TMEM178B: variants seen among roughly 807,000 people sequenced by gnomAD.
The protein encoded by TMEM178B is transmembrane protein 178B.
TMEM178B carries 5 observed loss-of-function variants against 31.0 expected under a neutral mutation model. The observed-to-expected ratio is 0.16, with a 90% CI of 0.08 to 0.34. The LOEUF is 0.34. TMEM178B is among the 10% of genes least tolerant of loss of function. The pLI, the probability that TMEM178B is intolerant of heterozygous loss-of-function variation, is 1.00. For synonymous variants in TMEM178B, 164 were observed against 164.0 expected (o/e 1.00, Z 0.00); for missense variants, 275 against 400.3 (o/e 0.69, Z 2.67).
intron 1 of TMEM178B, among the ~76,000 whole-genome samples, chr7:141,124,864 A>C (rs1015793799): frequency 6.6e-6 from 1 of 152,186 alleles, no homozygotes; most frequent in Admixed American, 6.5e-5. Flanking sequence ...CTTTCTCATT[A>C]CCCATCACTT....
At chr7:141,397,559 G>T (rs1305151913) in intron 2 of TMEM178B, among the ~76,000 whole-genome samples, 1 of 152,128 alleles carries the variant, frequency 6.6e-6, no homozygotes, top group Non-Finnish European at 1.5e-5. Context: ...TGGCAGACAG[G>T]TTCTCCAGCC....
At chr7:141,156,344 A>G (rs558992985) in intron 1 of TMEM178B, among the ~76,000 whole-genome samples, 1 of 152,296 alleles carries the variant, frequency 6.6e-6, no homozygotes, top group African/African-American at 2.4e-5. Context: ...TGACAGCAGT[A>G]TTTATAGGCA....
chr7:141,186,433 G>T (rs1251774411), intron 1 of TMEM178B, among the ~76,000 whole-genome samples: 3 of 152,140 alleles, frequency 2.0e-5, no homozygotes, highest in Non-Finnish European at 4.4e-5. Flanking sequence ...TCCTCTCGGG[G>T]CCTCTGCTCC....
intron 1 of TMEM178B, among the ~76,000 whole-genome samples, chr7:141,092,321 G>A (rs1050158976): frequency 3.3e-5 from 5 of 152,144 alleles, no homozygotes; most frequent in African/African-American, 4.8e-5. Context: ...TGATATAGAT[G>A]GAAGTGGAGG....
intron 3 of TMEM178B, among the ~76,000 whole-genome samples, chr7:141,459,073 AGGCTCGTGTGCAATGGC>A (rs1802015677): frequency 6.6e-6 from 1 of 152,212 alleles, no homozygotes. Context: ...CTTATTGCCC[AGGCTCGTGTGCAATGGC>A]GTGATCTCGG....
rs182644256 is a variant in TMEM178B at position 141,260,432 on chromosome 7, C to A, written c.496+47728C>A. 3.3e-5 allele frequency among the ~76,000 whole-genome samples: 5 copies of A among 152,044 alleles called. No homozygotes were observed. The East Asian group carries it at 9.6e-4, about 29-fold the overall frequency. ...TTATATTTTTTTTTGACCATTTTTT[C>A]CCCCAGTTCTATCACCGTTTGTTGG... On this transcript the variant is annotated intron_variant, in intron 2 of 3. Transcript: ENST00000565468.
intron 1 of TMEM178B, among the ~76,000 whole-genome samples, chr7:141,134,578 C>T (rs1795644858): frequency 6.6e-6 from 1 of 152,058 alleles, no homozygotes; most frequent in African/African-American, 2.4e-5. Flanking sequence ...TACAAAAAAC[C>T]ACCAAACTGC....
the TMEM178B span, among the ~76,000 whole-genome samples, chr7:141,507,207 C>T: frequency 6.6e-6 from 1 of 152,166 alleles, no homozygotes; most frequent in Non-Finnish European, 1.5e-5. Flanking sequence ...CTTACAGCTC[C>T]ACTAGGTGGT....
At chr7:141,222,477 C>T (rs536844676) in intron 2 of TMEM178B, among the ~76,000 whole-genome samples, 3 of 152,268 alleles carry the variant, frequency 2.0e-5, no homozygotes, top group African/African-American at 7.2e-5. Context: ...TAATACCTGC[C>T]TTGAGGATTA....
chr7:141,251,386 C>CAGGTACA (rs1797831078), intron 2 of TMEM178B, among the ~76,000 whole-genome samples: 1 of 151,650 alleles, frequency 6.6e-6, no homozygotes, highest in Non-Finnish European at 1.5e-5. Context: ...TGGGAATGGG[C>CAGGTACA]CAGAAAGGGG....
chr7:141,329,576 G>T, intron 2 of TMEM178B, among the ~76,000 whole-genome samples: 1 of 152,070 alleles, frequency 6.6e-6, no homozygotes, highest in East Asian at 1.9e-4. Context: ...ATTTGTTCTT[G>T]GTGTTTTTGT....
intron 1 of TMEM178B, among the ~76,000 whole-genome samples, chr7:141,157,913 G>A (rs1465550793): frequency 6.6e-6 from 1 of 151,858 alleles, no homozygotes; most frequent in Non-Finnish European, 1.5e-5. Context: ...ACTGTTCCCC[G>A]CCTCTGTGCC....
intron 2 of TMEM178B, among the ~76,000 whole-genome samples, chr7:141,341,076 C>T (rs1290976974): frequency 6.6e-6 from 1 of 152,176 alleles, no homozygotes; most frequent in Non-Finnish European, 1.5e-5. Flanking sequence ...AATCCACACA[C>T]AAATATAGAT....
intron 1 of TMEM178B, among the ~76,000 whole-genome samples, chr7:141,116,735 C>A (rs895309353): frequency 2.0e-5 from 3 of 152,030 alleles, no homozygotes; most frequent in African/African-American, 7.3e-5. Flanking sequence ...TCTCATTGTT[C>A]AACTCCTACT....
intron 1 of TMEM178B, among the ~76,000 whole-genome samples, chr7:141,109,084 C>A (rs2129174825): frequency 6.6e-6 from 1 of 152,232 alleles, no homozygotes; most frequent in East Asian, 1.9e-4. Context: ...CCCCATGATT[C>A]AATTATCTCC....
intron 1 of TMEM178B, among the ~76,000 whole-genome samples, chr7:141,195,507 G>T (rs1796767475): frequency 6.6e-6 from 1 of 152,146 alleles, no homozygotes; most frequent in Non-Finnish European, 1.5e-5. Flanking sequence ...CCTCAGCGTG[G>T]ACCTTATTGT....
intron 1 of TMEM178B, among the ~76,000 whole-genome samples, chr7:141,130,462 A>G (rs1167496850): frequency 3.9e-5 from 6 of 152,164 alleles, no homozygotes; most frequent in Non-Finnish European, 8.8e-5. Context: ...CTTTCACTCA[A>G]TATTATATCA....
chr7:141,215,784 T>A (rs552359091), intron 2 of TMEM178B, among the ~76,000 whole-genome samples: 1 of 53,276 alleles, frequency 1.9e-5, no homozygotes, highest in African/African-American at 8.5e-5. Flanking sequence ...TTTCCTTTCT[T>A]TCTTTCTTTC....
At chr7:141,338,051 A>G (rs931628988) in intron 2 of TMEM178B, among the ~76,000 whole-genome samples, 4 of 151,974 alleles carry the variant, frequency 2.6e-5, no homozygotes, top group African/African-American at 9.7e-5. Context: ...GTTAGCCAGG[A>G]TGGTCTCGAT....
Sources: gnomAD v4.1 joint callset for allele counts (sites outside exome capture counted in the v4.1 genomes callset) on GRCh38, gnomAD v4.1.1 for gene constraint, MANE v1.5 for transcripts, NCBI Gene and HGNC (gene_info 2026-07-23, HGNC 2026-07-21) for gene names.